Variants in MGST1 observed in about 807,000 individuals in gnomAD.
The protein encoded by MGST1 is microsomal glutathione S-transferase 1, also known as glutathione S-transferase 12.
Under a neutral mutation model 8.9 loss-of-function variants are expected in MGST1, and 5 were observed. That is an observed-to-expected ratio of 0.56 (90% CI 0.29 to 1.19). The LOEUF is 1.19. MGST1 is among the 50% of genes most tolerant of loss of function. MGST1 has a pLI of 0.08. For synonymous variants in MGST1, 54 were observed against 67.8 expected (o/e 0.80, Z 1.00); for missense variants, 182 against 187.4 (o/e 0.97, Z 0.17).
chr12:16,460,188 G>T (rs1941207910), intron 4 of MGST1, among the ~76,000 whole-genome samples: 1 of 152,106 alleles, frequency 6.6e-6, no homozygotes, highest in African/African-American at 2.4e-5. Flanking sequence ...GGATAGCCTT[G>T]GATAGCCCTG....
At chr12:16,436,073 A>C (rs1022362823) in intron 1 of MGST1, among the ~76,000 whole-genome samples, 3 of 151,816 alleles carry the variant, frequency 2.0e-5, no homozygotes, top group Non-Finnish European at 2.9e-5. Flanking sequence ...TTGAGCTTCT[A>C]ATCAGTGAAA....
intron 4 of MGST1, among the ~76,000 whole-genome samples, chr12:16,566,028 A>G (rs1430458750): frequency 7.2e-5 from 6 of 82,848 alleles, no homozygotes; most frequent in Non-Finnish European, 1.5e-4. Context: ...ATATATATAT[A>G]TATATATATA....
At chr12:16,494,932 C>T (rs530060908) in intron 4 of MGST1, among the ~76,000 whole-genome samples, 5 of 152,102 alleles carry the variant, frequency 3.3e-5, no homozygotes, top group Non-Finnish European at 7.4e-5. Context: ...ATGTTTATTG[C>T]CTTTTTAAAA....
chr12:16,562,266 A>T lies in MGST1; in HGVS notation n.483-27262A>T, dbSNP rs192599259. Among the ~76,000 whole-genome samples the T allele has an allele frequency of 1.2e-3, 178 of 152,298 alleles. 1 individual carries two copies. The South Asian group carries it at 0.018, about 16-fold the overall frequency. On this transcript the variant is annotated intron_variant and non_coding_transcript_variant, in intron 4 of 4. Transcript: ENST00000538857. The stretch of plus-strand genomic sequence containing the variant: ...TCTGCTTAGGAGATCTGCTTAGGAG[A>T]TCACTTACATGTGCCATTGTTTCTT...
At chr12:16,462,175 T>C (rs1941225799) in intron 4 of MGST1, among the ~76,000 whole-genome samples, 1 of 152,210 alleles carries the variant, frequency 6.6e-6, no homozygotes, top group African/African-American at 2.4e-5. Context: ...GGATACTGTA[T>C]CTACATATGC....
intron 1 of MGST1, among the ~76,000 whole-genome samples, chr12:16,420,336 A>G (rs1940824170): frequency 6.6e-6 from 1 of 152,240 alleles, no homozygotes; most frequent in Admixed American, 6.5e-5. Flanking sequence ...GTACACGTTC[A>G]TAATCTAAGA....
intron 4 of MGST1, among the ~76,000 whole-genome samples, chr12:16,515,144 C>A (rs1229927598): frequency 6.6e-6 from 1 of 152,140 alleles, no homozygotes; most frequent in Non-Finnish European, 1.5e-5. Flanking sequence ...GACCATATTG[C>A]AGAAATTTAT....
At chr12:16,483,981 A>G (rs977231498) in intron 4 of MGST1, among the ~76,000 whole-genome samples, 23 of 152,216 alleles carry the variant, frequency 1.5e-4, no homozygotes, top group African/African-American at 5.1e-4. Context: ...TCAAAAAAGT[A>G]ATATCATATT....
At chr12:16,387,341 T>C (rs1940512497) in intron 1 of MGST1, among the ~76,000 whole-genome samples, 1 of 152,146 alleles carries the variant, frequency 6.6e-6, no homozygotes, top group Non-Finnish European at 1.5e-5. Context: ...AACATTATAG[T>C]GCAAAGCATT....
intron 4 of MGST1, among the ~76,000 whole-genome samples, chr12:16,502,228 A>T (rs1941509446): frequency 6.6e-6 from 1 of 152,166 alleles, no homozygotes; most frequent in South Asian, 2.1e-4. Context: ...CAAAAAATAA[A>T]CTGATCAATT....
chr12:16,428,178 A>G (rs1201004617), intron 1 of MGST1, among the ~76,000 whole-genome samples: 1 of 151,820 alleles, frequency 6.6e-6, no homozygotes, highest in Admixed American at 6.5e-5. Context: ...CTTTTTCCAA[A>G]CATTTTTAAA....
intron 1 of MGST1, among the ~76,000 whole-genome samples, chr12:16,352,018 GA>G (rs1939489682): frequency 6.6e-6 from 1 of 152,202 alleles, no homozygotes; most frequent in African/African-American, 2.4e-5. Flanking sequence ...AAAGAGTTGA[GA>G]GCAGAATTAA....
At chr12:16,429,935 G>T (rs1261748388) in intron 1 of MGST1, among the ~76,000 whole-genome samples, 1 of 152,126 alleles carries the variant, frequency 6.6e-6, no homozygotes, top group Admixed American at 6.5e-5. Flanking sequence ...GGCATGTGAG[G>T]TTATTCGATA....
At chr12:16,573,261 G>A (rs902761220) in intron 4 of MGST1, among the ~76,000 whole-genome samples, 2 of 152,010 alleles carry the variant, frequency 1.3e-5, no homozygotes, top group African/African-American at 2.4e-5. Context: ...AATAAGGCAG[G>A]TCCAATTTAA....
At position 16,361,330 on chromosome 12, in the gene MGST1, G is replaced by C. The variant is rs147620982; in HGVS notation, c.222-2465G>C. Among the ~76,000 whole-genome samples, 4 of 152,308 alleles carry C rather than the reference G, an allele frequency of 2.6e-5. No homozygotes were observed. In the East Asian group the frequency reaches 7.7e-4, roughly 29 times the overall value. ...TGGATGCTGGGATCCAAGTAATTCT[G>C]ATCTGAGGGAAGGAGGCGTGGCTGT... On this transcript the variant is annotated intron_variant, in intron 3 of 3. Coordinates refer to ENST00000396210, the MANE Select transcript of MGST1 (RefSeq NM_020300.5). This position sits in a 1 kb window ranked among gnomAD's most constrained non-coding sequence, Gnocchi z 4.2.
intron 1 of MGST1, among the ~76,000 whole-genome samples, chr12:16,395,804 T>TATATATATATAC (rs1338860243): frequency 8.1e-6 from 1 of 123,696 alleles, no homozygotes; most frequent in Non-Finnish European, 1.6e-5. Context: ...TATATATATA[T>TATATATATATAC]ACACACACAC....
At chr12:16,358,426 T>C (rs1396274538) in intron 3 of MGST1, among the ~76,000 whole-genome samples, 1 of 152,142 alleles carries the variant, frequency 6.6e-6, no homozygotes, top group Non-Finnish European at 1.5e-5. Context: ...TTAGGGTACT[T>C]GCCTACAGCT....
intron 1 of MGST1, among the ~76,000 whole-genome samples, chr12:16,408,030 CA>C (rs200073692): frequency 0.013 from 584 of 43,972 alleles, 2 homozygotes; most frequent in African/African-American, 0.029. Context: ...GACTCTGTCT[CA>C]AAAAAAAAAA....
At chr12:16,356,957 A>G (rs9332912) in intron 2 of MGST1, among the ~76,000 whole-genome samples, 62 of 152,380 alleles carry the variant, frequency 4.1e-4, no homozygotes, top group African/African-American at 1.4e-3. Flanking sequence ...AGGTATGTCA[A>G]CATCACTGTG....
Sources: gnomAD v4.1 joint callset for allele counts (sites outside exome capture counted in the v4.1 genomes callset) on GRCh38, gnomAD v4.1.1 for gene constraint, Gnocchi (gnomAD v3.1) non-coding constraint, MANE v1.5 for transcripts, NCBI Gene and HGNC (gene_info 2026-07-23, HGNC 2026-07-21) for gene names.